GANC: variants seen among roughly 807,000 people sequenced by gnomAD.
GANC encodes the protein glucosidase alpha, neutral C.
A neutral mutation model predicts 124.2 loss-of-function variants in GANC; 117 were observed. The observed-to-expected ratio is 0.94, with a 90% CI of 0.81 to 1.10. The LOEUF (loss-of-function observed/expected upper bound fraction) is 1.10, where lower values mean the gene tolerates loss of function less well. GANC is among the 50% of genes least tolerant of loss of function. GANC has a pLI of 0.00. For synonymous variants in GANC, 377 were observed against 376.8 expected, an observed-to-expected ratio of 1.00 and a Z score of -0.01; for missense variants, 1,140 against 1,095.0, an observed-to-expected ratio of 1.04 and a Z score of -0.58.
intron 10 of GANC, among the ~76,000 whole-genome samples, chr15:42,320,080 A>C (rs1459316187): frequency 6.6e-6 from 1 of 152,168 alleles, no homozygotes; most frequent in Non-Finnish European, 1.5e-5. Flanking sequence ...GCTACTCGGG[A>C]GGCTGAGGCA....
At chr15:42,281,967 TC>T (rs1468016844) in intron 3 of GANC, among the ~76,000 whole-genome samples, 3 of 151,908 alleles carry the variant, frequency 2.0e-5, no homozygotes, top group African/African-American at 4.8e-5. Context: ...CAGATGGATC[TC>T]CTGAGGTCAG....
intron 1 of GANC, among the ~76,000 whole-genome samples, chr15:42,275,625 A>G (rs778477196): frequency 2.6e-5 from 4 of 151,978 alleles, no homozygotes; most frequent in African/African-American, 9.7e-5. Context: ...AATCAGATGG[A>G]GGCTAGTTTA....
intron 20 of GANC, among the ~76,000 whole-genome samples, 184 bp from the exon 21 acceptor site, chr15:42,347,919 G>A (rs79496968): frequency 0.086 from 13,099 of 152,174 alleles, 650 homozygotes; most frequent in South Asian, 0.19. Flanking sequence ...ATTCTTCAGC[G>A]TTAGAGCTCT....
chr15:42,313,263 A>G (rs887788136), intron 10 of GANC, among the ~76,000 whole-genome samples: 2 of 110,448 alleles, frequency 1.8e-5, no homozygotes, highest in Non-Finnish European at 3.9e-5. Context: ...TGGTTCAACT[A>G]TATAAGAGCT....
chr15:42,293,504 A>T (rs1439293965), intron 5 of GANC, among the ~76,000 whole-genome samples: 3 of 152,024 alleles, frequency 2.0e-5, no homozygotes, highest in South Asian at 2.1e-4. Context: ...CAACATAGTC[A>T]TTTTTCTGAG....
chr15:42,278,228 A>G, intron 2 of GANC: 1 of 267,578 alleles, frequency 3.7e-6, no homozygotes, highest in Non-Finnish European at 7.5e-6. Flanking sequence ...CACCATCTCA[A>G]GAAAGACAAG....
intron 6 of GANC, 52 bp from the exon 7 acceptor site, chr15:42,306,494 C>A: frequency 1.4e-6 from 2 of 1,391,842 alleles, no homozygotes; most frequent in Non-Finnish European, 2.0e-6. Context: ...TTGTGGTAAA[C>A]ACATTTGTTG....
Position 42,353,026 on chromosome 15 carries a change from A to T in GANC, c.*887A>T. The stretch of plus-strand genomic sequence containing the variant: ...TTTAAAAATCAGAATTAATGCAAAA[A>T]AAACCATGATGAACAAAATATTAAA... On this transcript the variant is annotated 3_prime_UTR_variant, in exon 24 of 24. Coordinates refer to ENST00000318010, the MANE Select transcript of GANC (RefSeq NM_198141.3). 1 of 820,546 alleles carries T rather than the reference A, an allele frequency of 1.2e-6. No individual in the cohort carries two copies. Among genetic ancestry groups the T allele is most frequent in the Non-Finnish European group, 1.5e-6 (1 of 679,392 alleles). The allele number at this position is 820,546 out of a possible 1,614,324, so 50.8% of individuals were successfully genotyped here.
chr15:42,289,084 TGAG>T (rs2051818457), intron 4 of GANC, among the ~76,000 whole-genome samples: 1 of 152,246 alleles, frequency 6.6e-6, no homozygotes, highest in African/African-American at 2.4e-5. Flanking sequence ...GCTTCTGTAC[TGAG>T]TTCTTTCTAG....
chr15:42,303,610 C>T (rs1158828919), intron 6 of GANC, among the ~76,000 whole-genome samples: 1 of 147,780 alleles, frequency 6.8e-6, no homozygotes, highest in East Asian at 2.0e-4. Flanking sequence ...TCAGGAGACC[C>T]ATCTCACGTG....
chr15:42,307,843 G>A (rs1432847022), intron 7 of GANC, among the ~76,000 whole-genome samples: 3 of 152,156 alleles, frequency 2.0e-5, no homozygotes, highest in African/African-American at 7.2e-5. Flanking sequence ...TAGACTGAAA[G>A]TGCACAATAT....
chr15:42,313,850 G>A, intron 10 of GANC: 1 of 556,928 alleles, frequency 1.8e-6, no homozygotes, highest in South Asian at 2.2e-5. Context: ...GTGCTTCCTT[G>A]AATTCAAGTA....
At chr15:42,277,324 A>G (rs558535336) in intron 2 of GANC, among the ~76,000 whole-genome samples, 1 of 152,164 alleles carries the variant, frequency 6.6e-6, no homozygotes, top group African/African-American at 2.4e-5. Context: ...TGAGGTTGGG[A>G]GTTTGAGACC....
At chr15:42,275,800 C>T (rs1170985354) in intron 1 of GANC, among the ~76,000 whole-genome samples, 4 of 152,172 alleles carry the variant, frequency 2.6e-5, no homozygotes, top group Non-Finnish European at 4.4e-5. Flanking sequence ...TATTCTAGCA[C>T]CTTGCACCTC....
intron 20 of GANC, 80 bp downstream of exon 20, chr15:42,345,912 C>A: frequency 1.0e-6 from 1 of 985,398 alleles, no homozygotes; most frequent in Admixed American, 2.2e-5. Flanking sequence ...ATACCACAGA[C>A]TGGGTGGTTT....
intron 2 of GANC, among the ~76,000 whole-genome samples, chr15:42,277,222 T>G (rs1053299888): frequency 6.6e-6 from 1 of 152,304 alleles, no homozygotes; most frequent in Non-Finnish European, 1.5e-5. Context: ...CCATTTGTAC[T>G]CCTATCAACA....
At chr15:42,337,375 T>A (rs142402860) in intron 15 of GANC, among the ~76,000 whole-genome samples, 2,896 of 152,252 alleles carry the variant, frequency 0.019, 73 homozygotes, top group African/African-American at 0.052. Flanking sequence ...AAATTTATTT[T>A]TATATATATG....
chr15:42,305,335 A>G (rs982138552), intron 6 of GANC, among the ~76,000 whole-genome samples: 2 of 152,268 alleles, frequency 1.3e-5, no homozygotes, highest in African/African-American at 4.8e-5. Context: ...TTATGTGGCC[A>G]ACAAACAAAA....
intron 6 of GANC, among the ~76,000 whole-genome samples, chr15:42,298,463 G>T (rs2051912427): frequency 6.6e-6 from 1 of 152,186 alleles, no homozygotes; most frequent in Non-Finnish European, 1.5e-5. Flanking sequence ...CATTTATCAT[G>T]CAGCTTACCT....
Sources: allele counts gnomAD v4.1 joint callset (sites outside exome capture counted in the v4.1 genomes callset), GRCh38; gene constraint gnomAD v4.1.1; transcripts MANE v1.5; gene names NCBI Gene and HGNC (gene_info 2026-07-23, HGNC 2026-07-21).